SBF1: variants seen among roughly 807,000 people sequenced by gnomAD.
SBF1 encodes SET binding factor 1, also known as myotubularin-related protein 5.
SBF1 carries 65 observed loss-of-function variants against 215.8 expected under a neutral mutation model. The ratio of observed to expected loss-of-function variants is 0.30; its 90% CI spans 0.25 to 0.37. The LOEUF is 0.37. Among genes scored for constraint, SBF1 ranks in the 10% least tolerant of loss-of-function variants. The pLI is 1.00. For missense variants in SBF1, 2,634 were observed against 2,667.8 expected, an observed-to-expected ratio of 0.99 and a Z score of 0.28; for synonymous variants, 1,410 against 1,122.8, an observed-to-expected ratio of 1.26 and a Z score of -5.11.
chr22:50,450,251 T>G (rs569358078), intron 36 of SBF1, among the ~76,000 whole-genome samples: 23 of 152,340 alleles, frequency 1.5e-4, no homozygotes, highest in African/African-American at 5.3e-4. Context: ...CCGGCAGCAG[T>G]GGCTCACACC....
chr22:50,463,509 G>A, intron 15 of SBF1, 77 bp from the exon 16 acceptor site: 2 of 1,434,610 alleles, frequency 1.4e-6, no homozygotes, highest in Non-Finnish European at 9.2e-7. Flanking sequence ...AGGGCAGCAG[G>A]TGTCCAGGAG....
rs1156846084 is a variant in SBF1, at chr22:50,462,396, T to C, written c.2205A>G (p.Pro735=). The C allele has an allele frequency of 1.9e-6, 3 of 1,614,096 alleles. No homozygotes were observed. Among genetic ancestry groups the C allele is most frequent in the Non-Finnish European group, 2.5e-6 (3 of 1,180,014 alleles). ...DVASEQRRLW[P]TLSREKQQEL... ...CCTGCTGCTTCTCACGACTCAGAGT[T>C]GGCCACAAGCGCCGCTGCTCAGAAG... The change falls in exon 19 of 41, where the codon CCA becomes CCG. Residue 735 remains proline, a synonymous_variant. Transcript: ENST00000380817.
chr22:50,466,071 C>T lies in SBF1; in HGVS notation c.901G>A (p.Asp301Asn). ...AFQAETQELL[D>N]VIVADLDGGT... ...CCATCCAGATCAGCAACAATCACAT[C>T]GAGCTGCGGACCAAGGGAGCCGGCA... The change falls in exon 9 of 41, where the codon GAT becomes AAT. Residue 301 changes from aspartate to asparagine, a missense_variant. Physicochemically the swap from Asp to Asn is conservative, Grantham distance 23. Transcript: ENST00000380817. 1 of 1,613,702 alleles carries T rather than the reference C, an allele frequency of 6.2e-7. No individual in the cohort carries two copies. The highest frequency in any genetic ancestry group is 8.5e-7 in the Non-Finnish European group (1 of 1,180,006).
rs374020231 is a variant in SBF1 at position 50,448,334 on chromosome 22, G to A, written c.5262C>T (p.Ser1754=). The A allele has an allele frequency of 4.0e-5, 65 of 1,613,798 alleles. No homozygotes were observed. Among genetic ancestry groups the A allele is most frequent in the East Asian group, 2.9e-4 (13 of 44,886 alleles). ...ATGTGGTTGAGCCACTACTCTGGTC[G>A]CTGTCCAGGCTGAGGCTCAGGGTGG... ...VGSTLSLSLD[S]DQSSGSTTSG... The change falls in exon 38 of 41, where the codon AGC becomes AGT. Residue 1754 remains serine (S), a synonymous_variant. Transcript: ENST00000380817.
At position 50,446,767 on chromosome 22, in the gene SBF1, G is replaced by A. The variant is rs565245585; in HGVS notation, c.*375C>T. The A allele has an allele frequency of 1.7e-3, 940 of 543,384 alleles. 17 individuals are homozygous for A. Among genetic ancestry groups the A allele is most frequent in the South Asian group, 0.014 (906 of 66,812 alleles). The allele number at this position is 543,384 out of a possible 1,614,324, so 33.7% of individuals were successfully genotyped here. Reference sequence around the variant, plus strand: ...ATGGGACCCTCTGGGTAGGCCGAGAGCAGGCAGCCGGGGAGTGGGGAAGGC... The same window carrying A: ...ATGGGACCCTCTGGGTAGGCCGAGAACAGGCAGCCGGGGAGTGGGGAAGGC... On this transcript the variant is annotated 3_prime_UTR_variant, in exon 41 of 41. Coordinates refer to ENST00000380817, the MANE Select transcript of SBF1 (RefSeq NM_002972.4).
intron 36 of SBF1, among the ~76,000 whole-genome samples, chr22:50,449,708 A>C (rs1052746075): frequency 6.6e-6 from 1 of 152,078 alleles, no homozygotes; most frequent in African/African-American, 2.4e-5. Context: ...AAGTCCCAAA[A>C]CCTGCCAGAA....
intron 1 of SBF1, among the ~76,000 whole-genome samples, chr22:50,474,432 A>C (rs2068101460): frequency 6.6e-6 from 1 of 152,018 alleles, no homozygotes; most frequent in African/African-American, 2.4e-5. Flanking sequence ...GTCCCACCCC[A>C]AGGAGGCCGG....
chr22:50,470,354 C>G (rs2067952822), intron 1 of SBF1, among the ~76,000 whole-genome samples: 3 of 152,174 alleles, frequency 2.0e-5, no homozygotes, highest in Admixed American at 1.3e-4. Context: ...AGTGGCAGGT[C>G]ACCATCTACC....
At chr22:50,464,975 G>A in intron 12 of SBF1, 26 bp downstream of exon 12, 8 of 1,613,888 alleles carry the variant, frequency 5.0e-6, no homozygotes, top group Non-Finnish European at 6.8e-6. Flanking sequence ...AGGGCAGGGG[G>A]CTGGGAGGGC....
Position 50,474,726 on chromosome 22 carries a change from C to T in SBF1, c.55+60G>A, listed in dbSNP as rs551937970. 1,086 of 1,395,088 alleles carry T rather than the reference C, an allele frequency of 7.8e-4. 4 individuals are homozygous for T. Among genetic ancestry groups the T allele is most frequent in the Admixed American group, 9.0e-4 (38 of 42,054 alleles). 86.4% of individuals were successfully genotyped at this position (1,395,088 alleles called of 1,614,324 possible). A position where few individuals can be genotyped will look rare whatever the true frequency, so the allele number is the denominator to read the frequency against. Reference sequence around the variant, plus strand: ...CGGCCCTCGACCCTCAGACCCAGCCCCTGGCCCTCAGCACTCGACCCTCGG... The same window carrying T: ...CGGCCCTCGACCCTCAGACCCAGCCTCTGGCCCTCAGCACTCGACCCTCGG... On this transcript the variant is annotated intron_variant, in intron 1 of 40. Transcript: ENST00000380817.
intron 36 of SBF1, among the ~76,000 whole-genome samples, chr22:50,451,678 T>C (rs1429123239): frequency 2.0e-5 from 3 of 151,978 alleles, no homozygotes; most frequent in East Asian, 3.8e-4. Context: ...AAGCCAAAAT[T>C]AAATGCAAAA....
At chr22:50,450,787 A>C (rs1453079920) in intron 36 of SBF1, among the ~76,000 whole-genome samples, 2 of 152,106 alleles carry the variant, frequency 1.3e-5, no homozygotes, top group Non-Finnish European at 2.9e-5. Context: ...ACCTGCGAGA[A>C]TAAAACCCAA....
At chr22:50,448,102 C>T in intron 38 of SBF1, 131 bp downstream of exon 38, 1 of 809,574 alleles carries the variant, frequency 1.2e-6, no homozygotes, top group Non-Finnish European at 2.0e-6. Context: ...ACACCCCAAA[C>T]CCCTCCCAGT....
chr22:50,469,419 T>C lies in SBF1; in HGVS notation c.56-958A>G, dbSNP rs370033845. ...TCCAGGGCCCTGTTTCCAGGCCCAG[T>C]CCACACCGGTGGGGTAAAGGTCCCT... On this transcript the variant is annotated intron_variant, in intron 1 of 40. Transcript: ENST00000380817. Among the ~76,000 whole-genome samples the C allele has an allele frequency of 4.6e-5, 7 of 152,270 alleles. No individual in the cohort carries two copies. The South Asian group carries it at 1.0e-3, about 23-fold the overall frequency.
In SBF1 at chr22:50,465,598, C is replaced by T. The variant is rs998108393; in HGVS notation, c.1089+165G>A. ...CCGCCTCGCCTGCACCACTCACGAC[C>T]ACCACTCCTAACTGCTGGCAGCTGC... On this transcript the variant is annotated intron_variant, in intron 10 of 40. Coordinates refer to ENST00000380817, the MANE Select transcript of SBF1 (RefSeq NM_002972.4). Among the ~76,000 whole-genome samples the T allele has an allele frequency of 2.6e-4, 39 of 152,250 alleles. 1 individual carries two copies. The highest frequency in any genetic ancestry group is 5.9e-5 in the Non-Finnish European group (4 of 68,050).
chr22:50,466,782 T>C, intron 5 of SBF1, 72 bp from the exon 6 acceptor site: 6 of 1,097,906 alleles, frequency 5.5e-6, no homozygotes, highest in Admixed American at 2.8e-5. Flanking sequence ...GAGCTCTGTG[T>C]CCCCAGGCAG....
chr22:50,459,910 G>A (rs2067429163), intron 26 of SBF1, 42 bp downstream of exon 26: 2 of 1,594,666 alleles, frequency 1.3e-6, no homozygotes, highest in Non-Finnish European at 1.7e-6. Flanking sequence ...AAGACACCCA[G>A]TCACGTGTCC....
chr22:50,462,983 C>T (rs556617743), intron 16 of SBF1, 45 bp from the exon 17 acceptor site: 1 of 1,551,486 alleles, frequency 6.4e-7, no homozygotes, highest in South Asian at 1.2e-5. Context: ...CCCTCCCAGG[C>T]AGCACTCACC....
At chr22:50,453,060 A>C (rs1350077000) in intron 36 of SBF1, among the ~76,000 whole-genome samples, 3 of 152,262 alleles carry the variant, frequency 2.0e-5, no homozygotes, top group Non-Finnish European at 4.4e-5. Context: ...AGCCACATCA[A>C]TAGTAACAGT....
Sources: gnomAD v4.1 joint callset for allele counts (sites outside exome capture counted in the v4.1 genomes callset) on GRCh38, gnomAD v4.1.1 for gene constraint, MANE v1.5 for transcripts, NCBI Gene and HGNC (gene_info 2026-07-23, HGNC 2026-07-21) for gene names.